The following IL1RAPL1 variants were observed in gnomAD, a reference collection of about 807,000 sequenced individuals.
The protein encoded by IL1RAPL1 is interleukin 1 receptor accessory protein like 1.
A neutral mutation model predicts 48.4 loss-of-function variants in IL1RAPL1; 3 were observed. The observed-to-expected ratio is 0.06, with a 90% CI of 0.03 to 0.16. The LOEUF (loss-of-function observed/expected upper bound fraction) is 0.16. Ranked by LOEUF, IL1RAPL1 falls within the 10% of genes least tolerant of loss-of-function variation. The pLI, the probability that IL1RAPL1 is intolerant of heterozygous loss-of-function variation, is 1.00. For synonymous variants in IL1RAPL1, 185 were observed against 187.7 expected (o/e 0.99, Z 0.12); for missense variants, 349 against 530.6 (o/e 0.66, Z 3.36).
intron 2 of IL1RAPL1, among the ~76,000 whole-genome samples, chrX:28,994,515 A>T (rs1925685309): frequency 9.0e-6 from 1 of 111,512 alleles, no homozygotes; most frequent in Admixed American, 9.6e-5. Flanking sequence ...CCAAGTAGAG[A>T]TTCCAGTGGC....
chrX:29,138,612 T>A (rs868404434), intron 2 of IL1RAPL1, among the ~76,000 whole-genome samples: 5 of 94,406 alleles, frequency 5.3e-5, no homozygotes, highest in Admixed American at 1.2e-4. Context: ...TACTAAAAAT[T>A]AAAAAAAAAA....
At chrX:29,337,526 A>G (rs1933012886) in intron 3 of IL1RAPL1, among the ~76,000 whole-genome samples, 1 of 111,517 alleles carries the variant, frequency 9.0e-6, no homozygotes, top group African/African-American at 3.3e-5. Context: ...TATATATGTG[A>G]CCTTAGAGAA....
chrX:28,935,122 T>C (rs1923982874), intron 2 of IL1RAPL1, among the ~76,000 whole-genome samples: 2 of 111,818 alleles, frequency 1.8e-5, no homozygotes, highest in South Asian at 7.4e-4. Flanking sequence ...CAATAGTTTT[T>C]AATTTTTTAT....
intron 6 of IL1RAPL1, among the ~76,000 whole-genome samples, chrX:29,813,681 C>T (rs1930427438): frequency 9.0e-6 from 1 of 110,595 alleles, no homozygotes; most frequent in Non-Finnish European, 1.9e-5. Context: ...ATGATTGAAC[C>T]CATCACCCAG....
intron 2 of IL1RAPL1, among the ~76,000 whole-genome samples, chrX:28,945,062 C>T (rs909664437): frequency 5.4e-5 from 6 of 111,106 alleles, no homozygotes; most frequent in African/African-American, 1.3e-4. Flanking sequence ...TACCATCTCA[C>T]GCCAGTCAGA....
intron 2 of IL1RAPL1, among the ~76,000 whole-genome samples, chrX:29,279,884 T>C (rs906110743): frequency 8.9e-6 from 1 of 112,189 alleles, no homozygotes; most frequent in African/African-American, 3.2e-5. Flanking sequence ...TACTAACTTT[T>C]TAAAACTTTC....
chrX:28,659,483 C>T lies in IL1RAPL1; in HGVS notation c.-25+71436C>T, dbSNP rs186969138. The stretch of plus-strand genomic sequence containing the variant: ...TGTAGGAGCCATGATATAGAGACCT[C>T]CTTGCTTAACCACCCTTCTCCTTCG... On this transcript the variant is annotated intron_variant, in intron 1 of 10. Coordinates refer to ENST00000378993, the MANE Select transcript of IL1RAPL1 (RefSeq NM_014271.4). 1.5e-3 allele frequency: 731 copies of T among 496,769 alleles called. 3 individuals carry two copies. The African/African-American group carries it at 0.015, about 10-fold the overall frequency. 40.9% of individuals were successfully genotyped at this position (496,769 alleles called of 1,213,427 possible).
At chrX:29,553,167 A>G (rs751943798) in intron 5 of IL1RAPL1, among the ~76,000 whole-genome samples, 13 of 111,355 alleles carry the variant, frequency 1.2e-4, no homozygotes, top group Non-Finnish European at 2.4e-4. Flanking sequence ...TGTGCCTTGC[A>G]CTTTTTGTTG....
chrX:29,191,709 G>T (rs746810358), intron 2 of IL1RAPL1, among the ~76,000 whole-genome samples: 5 of 111,317 alleles, frequency 4.5e-5, no homozygotes, highest in Non-Finnish European at 9.4e-5. Flanking sequence ...TAGTCCACAG[G>T]GCGCTTCAGA....
intron 2 of IL1RAPL1, among the ~76,000 whole-genome samples, chrX:28,822,188 T>A (rs1936944068): frequency 9.0e-6 from 1 of 111,506 alleles, no homozygotes; most frequent in Admixed American, 9.5e-5. Context: ...CAGTTTTTCC[T>A]TAACCTCCTT....
At chrX:29,076,689 T>C (rs1927678265) in intron 2 of IL1RAPL1, among the ~76,000 whole-genome samples, 1 of 111,153 alleles carries the variant, frequency 9.0e-6, no homozygotes, top group Non-Finnish European at 1.9e-5. Context: ...GTCATAAACC[T>C]CATTACTTAT....
intron 2 of IL1RAPL1, among the ~76,000 whole-genome samples, chrX:29,044,816 A>G: frequency 9.0e-6 from 1 of 111,610 alleles, no homozygotes; most frequent in Middle Eastern, 4.6e-3. Context: ...AGCAGTGGAA[A>G]TGAACTAATA....
At chrX:29,692,384 A>G (rs1361809612) in intron 6 of IL1RAPL1, among the ~76,000 whole-genome samples, 1 of 111,687 alleles carries the variant, frequency 9.0e-6, no homozygotes, top group African/African-American at 3.3e-5. Flanking sequence ...CTCCCGTGCT[A>G]TCTGCCAGTT....
intron 2 of IL1RAPL1, among the ~76,000 whole-genome samples, chrX:29,282,291 C>T (rs767270196): frequency 3.6e-5 from 4 of 112,321 alleles, no homozygotes; most frequent in East Asian, 5.6e-4. Flanking sequence ...AGCAGAGATC[C>T]GCACTTTATT....
chrX:29,847,801 C>T (rs1319476123), intron 6 of IL1RAPL1, among the ~76,000 whole-genome samples: 2 of 111,873 alleles, frequency 1.8e-5, no homozygotes, highest in Non-Finnish European at 3.8e-5. Context: ...CCCAGAAATA[C>T]AAAAACATGA....
intron 8 of IL1RAPL1, among the ~76,000 whole-genome samples, chrX:29,939,861 AT>A (rs35163237): frequency 3.8e-3 from 341 of 90,002 alleles, no homozygotes; most frequent in Admixed American, 8.3e-3. Flanking sequence ...ATGAATGAGG[AT>A]TTTTTTTTTT....
chrX:28,939,771 G>A (rs1269513805), intron 2 of IL1RAPL1, among the ~76,000 whole-genome samples: 2 of 111,505 alleles, frequency 1.8e-5, no homozygotes, highest in Non-Finnish European at 3.8e-5. Context: ...TTGATTGGGA[G>A]CAATTTTCTT....
chrX:29,872,554 T>C (rs1483180490), intron 6 of IL1RAPL1, among the ~76,000 whole-genome samples: 1 of 112,102 alleles, frequency 8.9e-6, no homozygotes, highest in Non-Finnish European at 1.9e-5. Flanking sequence ...GATTGATGCA[T>C]GTATAAAAGA....
intron 1 of IL1RAPL1, among the ~76,000 whole-genome samples, chrX:28,737,168 TCCTTCCTTCCTTTCTTTCCTTTC>T (rs1935843318): frequency 2.6e-5 from 2 of 78,254 alleles, no homozygotes; most frequent in African/African-American, 9.9e-5. Context: ...CTTCCTTCCT[TCCTTCCTTCCTTTCTTTCCTTTC>T]TCTTTCTTTC....
Sources: allele counts gnomAD v4.1 joint callset (sites outside exome capture counted in the v4.1 genomes callset), GRCh38; gene constraint gnomAD v4.1.1; transcripts MANE v1.5; gene names NCBI Gene and HGNC (gene_info 2026-07-23, HGNC 2026-07-21).